The following MDGA2 variants were observed in gnomAD, a reference collection of about 807,000 sequenced individuals.
MDGA2 encodes the protein MAM domain containing glycosylphosphatidylinositol anchor 2, also known as MAM domain-containing glycosylphosphatidylinositol anchor protein 2.
In MDGA2, 40 loss-of-function variants were observed where a neutral mutation model predicts 117.8. The ratio of observed to expected loss-of-function variants is 0.34; its 90% CI spans 0.26 to 0.44. The LOEUF (loss-of-function observed/expected upper bound fraction) is 0.44. MDGA2 is among the 20% of genes least tolerant of loss of function. The pLI is 1.00. For synonymous variants in MDGA2, 452 were observed against 439.0 expected, an observed-to-expected ratio of 1.03 and a Z score of -0.37; for missense variants, 1,123 against 1,250.6, an observed-to-expected ratio of 0.90 and a Z score of 1.54.
intron 1 of MDGA2, among the ~76,000 whole-genome samples, chr14:47,597,847 C>CAT (rs1555335010): frequency 2.3e-5 from 1 of 43,460 alleles, no homozygotes; most frequent in Admixed American, 1.6e-4. Context: ...CACACACATA[C>CAT]ACACACACAC....
At chr14:47,370,497 TTGTGTG>T (rs1555376842) in intron 1 of MDGA2, among the ~76,000 whole-genome samples, 4 of 27,066 alleles carry the variant, frequency 1.5e-4, no homozygotes, top group African/African-American at 4.8e-4. Context: ...TTTTTTTTTT[TTGTGTG>T]TGTGTGTGTG....
intron 9 of MDGA2, among the ~76,000 whole-genome samples, chr14:46,928,975 T>C (rs1417880711): frequency 6.6e-6 from 1 of 152,140 alleles, no homozygotes; most frequent in African/African-American, 2.4e-5. Context: ...AACCACACTA[T>C]TTAAAATGTA....
chr14:47,204,936 A>T (rs766460040), intron 3 of MDGA2, among the ~76,000 whole-genome samples: 1 of 151,894 alleles, frequency 6.6e-6, no homozygotes, highest in Non-Finnish European at 1.5e-5. Flanking sequence ...AATCTACTTA[A>T]ATTGGAGTGG....
chr14:47,006,134 T>C (rs1002904808), intron 8 of MDGA2, among the ~76,000 whole-genome samples: 50 of 151,356 alleles, frequency 3.3e-4, no homozygotes, highest in African/African-American at 1.2e-3. Context: ...TGATTAGGAA[T>C]TGTTTTCAAA....
chr14:46,867,026 G>A lies in MDGA2; in HGVS notation c.2752+6407C>T, dbSNP rs1333832383. 2.6e-5 allele frequency among the ~76,000 whole-genome samples: 4 copies of A among 152,192 alleles called. No individual in the cohort carries two copies. In the South Asian group the frequency reaches 6.2e-4, roughly 24 times the overall value. On this transcript the variant is annotated intron_variant, in intron 14 of 16. Transcript: ENST00000399232. ...AGAACTAGAAATACCATTTGACCCA[G>A]CCATCCCATTACTGGGTATATACTC...
chr14:46,899,220 T>C (rs1883193360), intron 10 of MDGA2, among the ~76,000 whole-genome samples: 1 of 152,096 alleles, frequency 6.6e-6, no homozygotes, highest in African/African-American at 2.4e-5. Context: ...ATAAAATTTG[T>C]AGGCAAACTG....
intron 10 of MDGA2, among the ~76,000 whole-genome samples, chr14:46,904,236 G>T (rs1883401705): frequency 1.3e-5 from 2 of 151,790 alleles, no homozygotes; most frequent in South Asian, 4.2e-4. Context: ...GCTGGGCCTG[G>T]TGGCATATGC....
At chr14:47,399,590 T>A (rs1275177159) in intron 1 of MDGA2, among the ~76,000 whole-genome samples, 1 of 152,170 alleles carries the variant, frequency 6.6e-6, no homozygotes, top group Non-Finnish European at 1.5e-5. Context: ...GCATCGTGGC[T>A]AAATTCTAAG....
intron 2 of MDGA2, among the ~76,000 whole-genome samples, chr14:47,252,339 T>G (rs1887474855): frequency 6.6e-6 from 1 of 152,180 alleles, no homozygotes; most frequent in Admixed American, 6.5e-5. Context: ...AATAGGGTTG[T>G]GATATATTTA....
rs56244321 is a variant in MDGA2, at chr14:47,563,578, G to GTTTTTTTTTTTTTTTTTTTTT, written c.280+110918_280+110938dup. ...AGAATAGCAACCCCTGCTTTTTTCT[G>GTTTTTTTTTTTTTTTTTTTTT]TTTTTTTTTTTTTTTTTTTTTTTTT... On this transcript the variant is annotated intron_variant, in intron 1 of 16. Transcript: ENST00000399232. 8.8e-5 allele frequency among the ~76,000 whole-genome samples: 5 copies of GTTTTTTTTTTTTTTTTTTTTT among 56,974 alleles called. 1 individual carries two copies. The highest frequency in any genetic ancestry group is 1.9e-4 in the African/African-American group (2 of 10,540). The allele number at this position is 56,974 out of a possible 152,430, so 37.4% of individuals were successfully genotyped here.
chr14:47,360,214 G>T (rs978264654), intron 1 of MDGA2, among the ~76,000 whole-genome samples: 5 of 151,830 alleles, frequency 3.3e-5, no homozygotes, highest in Non-Finnish European at 7.4e-5. Flanking sequence ...AGCCGGATGT[G>T]GTGGTGCATG....
chr14:47,286,135 T>C (rs72680296), intron 2 of MDGA2, among the ~76,000 whole-genome samples: 13,828 of 152,166 alleles, frequency 0.091, 778 homozygotes, highest in Non-Finnish European at 0.11. Flanking sequence ...GTGGAGTACA[T>C]GTGATGTTTT....
At chr14:47,162,051 T>C (rs536552824) in intron 3 of MDGA2, among the ~76,000 whole-genome samples, 1 of 146,934 alleles carries the variant, frequency 6.8e-6, no homozygotes, top group South Asian at 2.2e-4. Flanking sequence ...ATTCAAGTGA[T>C]TCTCCTGACT....
At chr14:47,286,669 A>AT (rs1245775270) in intron 2 of MDGA2, among the ~76,000 whole-genome samples, 1 of 151,682 alleles carries the variant, frequency 6.6e-6, no homozygotes, top group Non-Finnish European at 1.5e-5. Context: ...TATCTTGGCT[A>AT]TTGTGAATGG....
At chr14:47,508,583 G>A (rs1894570535) in intron 1 of MDGA2, among the ~76,000 whole-genome samples, 1 of 152,104 alleles carries the variant, frequency 6.6e-6, no homozygotes, top group African/African-American at 2.4e-5. Flanking sequence ...AATCTAGTGG[G>A]TAGCTTAGAT....
At chr14:47,239,393 T>C (rs1886968085) in intron 2 of MDGA2, among the ~76,000 whole-genome samples, 2 of 151,886 alleles carry the variant, frequency 1.3e-5, no homozygotes, top group African/African-American at 4.8e-5. Flanking sequence ...TTACTGTACA[T>C]TGTGTAAAAT....
rs569983722 is a variant in MDGA2, at chr14:46,858,513, C to T, written c.2753-3359G>A. Among the ~76,000 whole-genome samples, 6 of 150,726 alleles carry T rather than the reference C, an allele frequency of 4.0e-5. No homozygotes were observed. The East Asian group carries it at 9.8e-4, about 25-fold the overall frequency. ...CGCGATCTCGGCTCACTGAAAGCTC[C>T]GCCTCCCGGGTTCACGCCATTCTCC... is the stretch of plus-strand genomic sequence containing the variant. On this transcript the variant is annotated intron_variant, in intron 14 of 16. Transcript: ENST00000399232.
At chr14:47,425,841 G>A (rs1459355637) in intron 1 of MDGA2, among the ~76,000 whole-genome samples, 1 of 151,766 alleles carries the variant, frequency 6.6e-6, no homozygotes, top group African/African-American at 2.4e-5. Flanking sequence ...GTCTTACATA[G>A]CCACAGAATA....
chr14:47,104,320 T>C (rs1880514160), intron 5 of MDGA2, among the ~76,000 whole-genome samples: 1 of 150,980 alleles, frequency 6.6e-6, no homozygotes, highest in Non-Finnish European at 1.5e-5. Context: ...CCTTAACTGA[T>C]GACATTCCAC....
Sources: gnomAD v4.1 joint callset for allele counts (sites outside exome capture counted in the v4.1 genomes callset) on GRCh38, gnomAD v4.1.1 for gene constraint, MANE v1.5 for transcripts, NCBI Gene and HGNC (gene_info 2026-07-23, HGNC 2026-07-21) for gene names.